KATNB1: variants seen among roughly 807,000 people sequenced by gnomAD.
KATNB1 encodes the protein katanin regulatory subunit B1.
In KATNB1, 38 loss-of-function variants were observed where a neutral mutation model predicts 82.3. The ratio of observed to expected loss-of-function variants is 0.46; its 90% CI spans 0.36 to 0.61. KATNB1 has a LOEUF of 0.61. Among genes scored for constraint, KATNB1 ranks in the 20% least tolerant of loss-of-function variants. The pLI is 0.00. For synonymous variants in KATNB1, 361 were observed against 368.7 expected (o/e 0.98, Z 0.24); for missense variants, 749 against 915.7 (o/e 0.82, Z 2.35).
chr16:57,746,832 A>G (rs1423821041), intron 4 of KATNB1, among the ~76,000 whole-genome samples: 1 of 152,218 alleles, frequency 6.6e-6, no homozygotes, highest in African/African-American at 2.4e-5. Context: ...TTAGAACACC[A>G]TGCAGGCCAG....
intron 19 of KATNB1, 117 bp from the exon 20 acceptor site, chr16:57,756,697 G>A (rs2049290489): frequency 1.4e-6 from 2 of 1,424,702 alleles, no homozygotes; most frequent in Middle Eastern, 2.5e-4. Context: ...GTTCCCCTCT[G>A]GGCCTCCGCC....
At chr16:57,755,086 C>T (rs2049264494) in intron 14 of KATNB1, 33 bp from the exon 15 acceptor site, 1 of 1,612,950 alleles carries the variant, frequency 6.2e-7, no homozygotes, top group Non-Finnish European at 8.5e-7. Flanking sequence ...AGGGAGGCCC[C>T]AGGCCGGCAA....
intron 8 of KATNB1, 175 bp from the exon 9 acceptor site, chr16:57,752,355 A>G (rs1597829330): frequency 1.5e-6 from 1 of 674,578 alleles, no homozygotes; most frequent in East Asian, 2.7e-5. Context: ...CCCTGGGGCC[A>G]GGGCCATCGG....
At chr16:57,755,089 G>C (rs782038480) in intron 14 of KATNB1, 30 bp from the exon 15 acceptor site, 10 of 1,612,956 alleles carry the variant, frequency 6.2e-6, no homozygotes, top group Admixed American at 3.3e-5. Flanking sequence ...GAGGCCCCAG[G>C]CCGGCAACCG....
Position 57,755,924 on chromosome 16 carries a change from G to A in KATNB1, c.1643+7G>A. 6.2e-7 allele frequency: 1 copy of A among 1,604,200 alleles called. No individual in the cohort carries two copies. The highest frequency in any genetic ancestry group is 8.5e-7 in the Non-Finnish European group (1 of 1,172,702). ...ACATCGTCAACCAGAAAGCGTAAGT[G>A]GCTGCAGAGGGGGAGTGGGCGGAGG... On this transcript the variant is annotated splice_region_variant and intron_variant, in intron 17 of 19. Transcript: ENST00000379661.
At chr16:57,756,142 A>G in intron 18 of KATNB1, 76 bp downstream of exon 18, 1 of 1,498,574 alleles carries the variant, frequency 6.7e-7, no homozygotes, top group East Asian at 2.3e-5. Context: ...AACCATGGGA[A>G]GGACCCCCAA....
At chr16:57,736,095 C>G (rs991947598) in intron 1 of KATNB1, 1 of 152,494 alleles carries the variant, frequency 6.6e-6, no homozygotes, top group East Asian at 1.9e-4. Context: ...GGAAGCAGAG[C>G]TGGGGGTCTG....
At chr16:57,746,867 G>A (rs1018374996) in intron 4 of KATNB1, among the ~76,000 whole-genome samples, 2 of 152,144 alleles carry the variant, frequency 1.3e-5, no homozygotes, top group Non-Finnish European at 2.9e-5. Context: ...AATAAGACCC[G>A]TTTGCCTGAT....
chr16:57,749,208 T>C (rs1416297560), intron 4 of KATNB1, among the ~76,000 whole-genome samples: 1 of 152,230 alleles, frequency 6.6e-6, no homozygotes, highest in East Asian at 1.9e-4. Flanking sequence ...GGAAGAAATG[T>C]GAATGGGACT....
Position 57,757,016 on chromosome 16 carries a change from GCA to G in KATNB1, c.*72_*73del, listed in dbSNP as rs1163330645. On this transcript the variant is annotated 3_prime_UTR_variant, in exon 20 of 20. Coordinates refer to ENST00000379661, the MANE Select transcript of KATNB1 (RefSeq NM_005886.3). ...CTCAGCCCCCACTCCTGTTCCTTGT[GCA>G]CCCACTGGCCCATGAGCCTCTGCCT... is the stretch of plus-strand genomic sequence containing the variant. 5 of 1,402,912 alleles carry G rather than the reference GCA, an allele frequency of 3.6e-6. No individual in the cohort carries two copies. Among genetic ancestry groups the G allele is most frequent in the Admixed American group, 3.0e-5 (1 of 33,596 alleles). 86.9% of individuals were successfully genotyped at this position (1,402,912 alleles called of 1,614,324 possible).
intron 3 of KATNB1, among the ~76,000 whole-genome samples, chr16:57,744,071 A>G (rs1338103164): frequency 3.3e-5 from 5 of 152,230 alleles, no homozygotes; most frequent in Non-Finnish European, 7.3e-5. Context: ...AAGGGACAGC[A>G]TCCCTTTATC....
chr16:57,756,723 G>T, intron 19 of KATNB1, 91 bp from the exon 20 acceptor site: 1 of 1,448,644 alleles, frequency 6.9e-7, no homozygotes, highest in South Asian at 1.5e-5. Context: ...TTGGGAGGAA[G>T]GGCTGGAGCA....
chr16:57,747,676 C>A (rs2049193612), intron 4 of KATNB1, among the ~76,000 whole-genome samples: 1 of 152,144 alleles, frequency 6.6e-6, no homozygotes, highest in Admixed American at 6.5e-5. Flanking sequence ...GATGGCTGGG[C>A]TCTCATGGAG....
Position 57,751,995 on chromosome 16 carries a change from C to T in KATNB1, c.572C>T (p.Pro191Leu). Residue 191 changes from proline (P) to leucine (L), a missense_variant, in exon 8 of 20, where the codon CCT (proline) becomes CTT (leucine). Pro to Leu is a moderately conservative substitution (Grantham distance 98). Coordinates refer to ENST00000379661, the MANE Select transcript of KATNB1 (RefSeq NM_005886.3). This position sits in a 1 kb window ranked among gnomAD's most constrained non-coding sequence, Gnocchi z 6.3. ...MMSEFPGHTGPVNVVEFHPNE... is the reference protein window; with the variant it reads ...MMSEFPGHTGLVNVVEFHPNE... The stretch of plus-strand genomic sequence containing the variant: ...TCTGAGTTCCCTGGTCACACGGGGC[C>T]TGTCAACGTGGTCGAGTTTCACCCC... The T allele has an allele frequency of 6.2e-7, 1 of 1,613,764 alleles. No individual in the cohort carries two copies. Among genetic ancestry groups the T allele is most frequent in the Non-Finnish European group, 8.5e-7 (1 of 1,180,004 alleles).
In KATNB1 at chr16:57,753,139, C is replaced by T. The variant is rs2049242825; in HGVS notation, c.918C>T (p.Thr306=). The T allele has an allele frequency of 2.5e-6, 4 of 1,611,556 alleles. No individual in the cohort carries two copies. The highest frequency in any genetic ancestry group is 3.4e-6 in the Non-Finnish European group (4 of 1,179,612). Residue 306 remains threonine (T), a synonymous_variant, in exon 11 of 20, where the codon ACC becomes ACT. Coordinates refer to ENST00000379661, the MANE Select transcript of KATNB1 (RefSeq NM_005886.3). ...ACGTGGTGGATCTGACGCGTGTCAC[C>T]AGGACTGGCACGGTGGCCCGGGACC... The part of the protein sequence containing the change: ...SSYVVDLTRV[T]RTGTVARDPV...
At position 57,738,601 on chromosome 16, in the gene KATNB1, G is replaced by T. The variant is rs192200518; in HGVS notation, c.40+1318G>T. Among the ~76,000 whole-genome samples, 6 of 150,308 alleles carry T rather than the reference G, an allele frequency of 4.0e-5. No homozygotes were observed. In the East Asian group the frequency reaches 1.2e-3, roughly 29 times the overall value. On this transcript the variant is annotated intron_variant, in intron 2 of 19. Transcript: ENST00000379661. ...CATGAATTTAACCATAAGACTCTGG[G>T]CAAAGCTCTTTGCAGGGCCTCTGTT...
Position 57,741,711 on chromosome 16 carries a change from A to G in KATNB1, c.65A>G (p.Asn22Ser). The G allele has an allele frequency of 6.2e-7, 1 of 1,614,076 alleles. No homozygotes were observed. Among genetic ancestry groups the G allele is most frequent in the South Asian group, 1.1e-5 (1 of 91,076 alleles). Residue 22 changes from asparagine to serine, a missense_variant, in exon 3 of 20, where the codon AAC becomes AGC. This residue lies in a region of KATNB1 where 247 missense variants were observed against 349.4 expected (regional missense o/e 0.71). Coordinates refer to ENST00000379661, the MANE Select transcript of KATNB1 (RefSeq NM_005886.3). ...KLQEIVAHAS[N>S]VSSLVLGKAS... ...GAAGAGATCGTCGCGCATGCCAGCA[A>G]CGTGTCCTCACTGGTGCTGGGCAAA...
rs1308228172 is a variant in KATNB1 at position 57,756,386 on chromosome 16, G to A, written c.1749G>A (p.Lys583=). The change falls in exon 19 of 20, where the codon AAG becomes AAA. Residue 583 remains lysine (K), a synonymous_variant. Coordinates refer to ENST00000379661, the MANE Select transcript of KATNB1 (RefSeq NM_005886.3). Reference sequence around the variant, plus strand: ...TCCAGACGGGCTGCACCTCCCTGAAGCTGATCCTGCAGCGGTTTCTGCCCC... The same window carrying A: ...TCCAGACGGGCTGCACCTCCCTGAAACTGATCCTGCAGCGGTTTCTGCCCC... ...SYVQTGCTSL[K]LILQRFLPLI... 5 of 1,613,930 alleles carry A rather than the reference G, an allele frequency of 3.1e-6. No homozygotes were observed. In the African/African-American group the frequency reaches 4.0e-5, roughly 13 times the overall value.
chr16:57,756,006 T>C lies in KATNB1; in HGVS notation c.1658T>C (p.Leu553Pro). ...IVNQKASLWKLDLCTTVLPQI... is the reference protein window; with the variant it reads ...IVNQKASLWKPDLCTTVLPQI... ...GCCTCTCCTAGCTCCCTGTGGAAGC[T>C]GGACCTGTGCACCACCGTCCTGCCA... Residue 553 changes from leucine to proline, a missense_variant, in exon 18 of 20, where the codon CTG becomes CCG. Leu to Pro is a moderately conservative substitution (Grantham distance 98, BLOSUM62 -3). Coordinates refer to ENST00000379661, the MANE Select transcript of KATNB1 (RefSeq NM_005886.3). 6.2e-7 allele frequency: 1 copy of C among 1,612,940 alleles called. No homozygotes were observed. The highest frequency in any genetic ancestry group is 8.5e-7 in the Non-Finnish European group (1 of 1,179,992).
Sources: allele counts gnomAD v4.1 joint callset (sites outside exome capture counted in the v4.1 genomes callset), GRCh38; gene constraint gnomAD v4.1.1; regional missense constraint gnomAD v4.1.1; non-coding constraint Gnocchi (gnomAD v3.1); transcripts MANE v1.5; gene names NCBI Gene and HGNC (gene_info 2026-07-23, HGNC 2026-07-21).